The following GBP7 variants were observed in gnomAD, a reference collection of about 807,000 sequenced individuals.
GBP7 encodes the protein guanylate-binding protein 7.
A neutral mutation model predicts 61.3 loss-of-function variants in GBP7; 43 were observed. That is an observed-to-expected ratio of 0.70 (90% CI 0.55 to 0.91). The LOEUF (loss-of-function observed/expected upper bound fraction) is 0.91. GBP7 is among the 40% of genes least tolerant of loss of function. GBP7 has a pLI of 0.00. For synonymous variants in GBP7, 267 were observed against 271.0 expected (o/e 0.99, Z 0.14); for missense variants, 717 against 740.5 (o/e 0.97, Z 0.37).
At chr1:89,168,450 T>G (rs895473941) in intron 2 of GBP7, among the ~76,000 whole-genome samples, 1 of 152,064 alleles carries the variant, frequency 6.6e-6, no homozygotes, top group Non-Finnish European at 1.5e-5. Context: ...TAAAATATTT[T>G]CCACCCATGC....
At chr1:89,173,384 C>A (rs1647658958) in intron 1 of GBP7, among the ~76,000 whole-genome samples, 1 of 152,176 alleles carries the variant, frequency 6.6e-6, no homozygotes, top group East Asian at 1.9e-4. Context: ...TCCAACACAT[C>A]TGAGCTTATT....
At chr1:89,140,574 A>G (rs910530878) in intron 9 of GBP7, among the ~76,000 whole-genome samples, 17 of 152,226 alleles carry the variant, frequency 1.1e-4, no homozygotes, top group Admixed American at 9.2e-4. Flanking sequence ...TTGCCAAGAA[A>G]AGGGAATTCT....
chr1:89,152,443 C>G lies in GBP7; in HGVS notation c.450G>C (p.Glu150Asp). ...EQLHYVTELT[E>D]LIRAKSCPRP... is the part of the protein sequence containing the mutation. ...TGGGGCACGATTTTGCCCTGATTAGCTCTGTTAGCTCAGTCACGTAGCTGG... is the reference window on the plus strand; with the variant it reads ...TGGGGCACGATTTTGCCCTGATTAGGTCTGTTAGCTCAGTCACGTAGCTGG... Residue 150 changes from glutamate to aspartate, a missense_variant, in exon 5 of 11, where the codon GAG becomes GAC. Glu to Asp is a conservative substitution (Grantham distance 45). This residue lies in a region of GBP7 where 387 missense variants were observed against 385.2 expected (regional missense o/e 1.00). Coordinates refer to ENST00000294671, the MANE Select transcript of GBP7 (RefSeq NM_207398.3). 6.2e-7 allele frequency: 1 copy of G among 1,614,114 alleles called. No individual in the cohort carries two copies. Among genetic ancestry groups the G allele is most frequent in the Non-Finnish European group, 8.5e-7 (1 of 1,179,988 alleles).
At chr1:89,149,100 C>T (rs190407542) in intron 7 of GBP7, among the ~76,000 whole-genome samples, 192 bp downstream of exon 7, 59 of 152,100 alleles carry the variant, frequency 3.9e-4, no homozygotes, top group African/African-American at 9.9e-4. Context: ...ATTTCTTATG[C>T]ATGATAGAAA....
At chr1:89,162,171 T>G (rs1647293208) in intron 3 of GBP7, among the ~76,000 whole-genome samples, 9 of 152,202 alleles carry the variant, frequency 5.9e-5, no homozygotes. Flanking sequence ...TTTTGGTTAC[T>G]GTAGCCCTGT....
rs537923422 is a variant in GBP7, at chr1:89,154,675, T to G, written c.319-1898A>C. Among the ~76,000 whole-genome samples, 3 of 150,984 alleles carry G rather than the reference T, an allele frequency of 2.0e-5. No homozygotes were observed. The South Asian group carries it at 6.3e-4, about 32-fold the overall frequency. ...ATTTTCCTTTTTTTTTTTTTAACTT[T>G]AAATTTAAGTTCAGGCTTACCCCCA... On this transcript the variant is annotated intron_variant, in intron 3 of 10. Coordinates refer to ENST00000294671, the MANE Select transcript of GBP7 (RefSeq NM_207398.3).
intron 7 of GBP7, 82 bp from the exon 8 acceptor site, chr1:89,147,861 G>A: frequency 7.1e-7 from 1 of 1,414,318 alleles, no homozygotes; most frequent in South Asian, 1.2e-5. Context: ...GGAAGAAGTA[G>A]TCTCATGGCC....
rs1312484502 is a variant in GBP7, at chr1:89,149,328, G to A, written c.1116C>T (p.Phe372=). The change falls in exon 7 of 11, where the codon TTC becomes TTT. Residue 372 remains phenylalanine (F), a synonymous_variant. Transcript: ENST00000294671. Reference sequence around the variant, plus strand: ...TCTGAAATTCCTGGCTTTTATCTTTGAAGGAGTACTCCATGAAGACTGCAA... The same window carrying A: ...TCTGAAATTCCTGGCTTTTATCTTTAAAGGAGTACTCCATGAAGACTGCAA... ...EAIAVFMEYS[F]KDKSQEFQKK... The A allele has an allele frequency of 1.2e-6, 2 of 1,611,588 alleles. No individual in the cohort carries two copies. The highest frequency in any genetic ancestry group is 2.2e-5 in the South Asian group (2 of 90,784).
chr1:89,171,665 C>T, intron 2 of GBP7, 81 bp downstream of exon 2: 2 of 1,280,320 alleles, frequency 1.6e-6, no homozygotes, highest in Non-Finnish European at 1.1e-6. Flanking sequence ...CACTAACTTT[C>T]TCTCATCCCA....
intron 5 of GBP7, among the ~76,000 whole-genome samples, chr1:89,151,978 T>A (rs941179929): frequency 1.3e-5 from 2 of 152,242 alleles, no homozygotes; most frequent in African/African-American, 4.8e-5. Flanking sequence ...TCTTAGGATG[T>A]GATAATACTA....
At chr1:89,155,472 G>A (rs1414309886) in intron 3 of GBP7, among the ~76,000 whole-genome samples, 4 of 152,112 alleles carry the variant, frequency 2.6e-5, no homozygotes, top group African/African-American at 7.2e-5. Flanking sequence ...AAGATTAGAC[G>A]AATGGCTAAC....
At chr1:89,135,857 G>T (rs1038737487) in intron 9 of GBP7, among the ~76,000 whole-genome samples, 1 of 152,058 alleles carries the variant, frequency 6.6e-6, no homozygotes, top group African/African-American at 2.4e-5. Context: ...CAATTAAAAG[G>T]CACAGAGTGG....
intron 2 of GBP7, among the ~76,000 whole-genome samples, chr1:89,169,771 G>A (rs1471294796): frequency 3.3e-5 from 5 of 152,208 alleles, no homozygotes; most frequent in Non-Finnish European, 5.9e-5. Context: ...GACATTTAGT[G>A]TGTAAACCAG....
intron 3 of GBP7, among the ~76,000 whole-genome samples, chr1:89,158,944 C>G (rs973753766): frequency 6.6e-6 from 1 of 152,190 alleles, no homozygotes; most frequent in African/African-American, 2.4e-5. Context: ...AGGCATCACA[C>G]TACCCGATTT....
chr1:89,172,174 A>G (rs1434664606), intron 1 of GBP7, among the ~76,000 whole-genome samples: 1 of 152,182 alleles, frequency 6.6e-6, no homozygotes, highest in Non-Finnish European at 1.5e-5. Flanking sequence ...GATAGGTATG[A>G]AGAGTGCCCA....
chr1:89,132,983 T>C (rs1681713943), intron 10 of GBP7, among the ~76,000 whole-genome samples: 1 of 152,132 alleles, frequency 6.6e-6, no homozygotes, highest in Non-Finnish European at 1.5e-5. Context: ...TCCTAATTAA[T>C]TGGGGCACAG....
At position 89,171,743 on chromosome 1, in the gene GBP7, C is replaced by CA; in HGVS notation, c.190+2dup. On this transcript the variant is annotated splice_region_variant and intron_variant, in intron 2 of 10. Transcript: ENST00000294671. The stretch of plus-strand genomic sequence containing the variant: ...TCATCCATGCTTTGCTGGTGCCACT[C>CA]ACCTTTGTTCTTCCCAGCCAGCTTG... 3 of 1,611,588 alleles carry CA rather than the reference C, an allele frequency of 1.9e-6. No individual in the cohort carries two copies. Among genetic ancestry groups the CA allele is most frequent in the Non-Finnish European group, 2.5e-6 (3 of 1,178,934 alleles).
chr1:89,170,285 T>C (rs1047124717), intron 2 of GBP7, among the ~76,000 whole-genome samples: 1 of 152,206 alleles, frequency 6.6e-6, no homozygotes, highest in Non-Finnish European at 1.5e-5. Context: ...TCCTGTTGGT[T>C]TTGCTTTGCA....
intron 5 of GBP7, among the ~76,000 whole-genome samples, chr1:89,151,301 T>C (rs937877721): frequency 1.3e-5 from 2 of 152,200 alleles, no homozygotes; most frequent in African/African-American, 2.4e-5. Flanking sequence ...TGAGGTCCTG[T>C]CATATTTTTC....
Sources: allele counts gnomAD v4.1 joint callset (sites outside exome capture counted in the v4.1 genomes callset), GRCh38; gene constraint gnomAD v4.1.1; regional missense constraint gnomAD v4.1.1; transcripts MANE v1.5; gene names NCBI Gene and HGNC (gene_info 2026-07-23, HGNC 2026-07-21).